Variants in TTC34 observed in about 807,000 individuals in gnomAD.
The protein encoded by TTC34 is tetratricopeptide repeat domain 34.
In TTC34, 44 loss-of-function variants were observed where a neutral mutation model predicts 40.7. The ratio of observed to expected loss-of-function variants is 1.08; its 90% confidence interval spans 0.85 to 1.39. The LOEUF is 1.39. Ranked by LOEUF, TTC34 falls within the 40% of genes most tolerant of loss-of-function variation. The pLI is 0.00. For synonymous variants in TTC34, 422 were observed against 398.6 expected (o/e 1.06, Z -0.70); for missense variants, 884 against 838.0 (o/e 1.05, Z -0.68).
chr1:2,793,553 A>G (rs1643684201), intron 2 of TTC34, among the ~76,000 whole-genome samples: 1 of 152,230 alleles, frequency 6.6e-6, no homozygotes, highest in African/African-American at 2.4e-5. Flanking sequence ...CCACCTGTAC[A>G]TAGAAATCTT....
At chr1:2,755,701 A>C (rs1265892888) in intron 6 of TTC34, among the ~76,000 whole-genome samples, 185 of 15,160 alleles carry the variant, frequency 0.012, no homozygotes, top group African/African-American at 0.022. Context: ...CAGCACCCCA[A>C]ACCCACAGGT....
chr1:2,794,627 C>T (rs1643695856), intron 2 of TTC34, among the ~76,000 whole-genome samples: 1 of 152,254 alleles, frequency 6.6e-6, no homozygotes, highest in African/African-American at 2.4e-5. Context: ...TGGCTAGGAT[C>T]TCTAGCACAA....
At chr1:2,644,369 C>T (rs1483559276) in exon 8 of TTC34, 9 of 1,535,904 alleles carry the variant, frequency 5.9e-6, no homozygotes, top group South Asian at 1.2e-5. Flanking sequence ...CAGCCCCTGG[C>T]ACGTCTCCCT....
chr1:2,750,284 C>CAT (rs1569688749), intron 6 of TTC34, among the ~76,000 whole-genome samples: 1 of 6,752 alleles, frequency 1.5e-4, no homozygotes, highest in African/African-American at 5.1e-4. Context: ...GAGCCCAGAC[C>CAT]CCCAGGTGAG....
exon 2 of TTC34, chr1:2,800,075 G>A (rs927900788): frequency 1.0e-5 from 4 of 398,396 alleles, no homozygotes; most frequent in South Asian, 2.5e-4. Flanking sequence ...GATGGGCCTC[G>A]AGGGCCCGGC....
exon 9 of TTC34, chr1:2,639,073 A>C (rs1192809738): frequency 6.6e-6 from 1 of 152,256 alleles, no homozygotes; most frequent in Non-Finnish European, 1.5e-5. Flanking sequence ...TTATAAGGAC[A>C]CTAATCCCAC....
chr1:2,779,321 AT>A (rs112410867), intron 6 of TTC34, among the ~76,000 whole-genome samples: 47 of 148,568 alleles, frequency 3.2e-4, no homozygotes, highest in South Asian at 1.1e-3. Context: ...TGGTAGTTCT[AT>A]TTTTTTTTTC....
intron 6 of TTC34, among the ~76,000 whole-genome samples, chr1:2,675,545 C>G (rs878857153): frequency 8.0e-6 from 1 of 124,366 alleles, no homozygotes; most frequent in South Asian, 2.4e-4. Context: ...ACGTGACAGC[C>G]TGGAAGAGCA....
intron 6 of TTC34, among the ~76,000 whole-genome samples, chr1:2,697,405 C>CCACAGG (rs1640917319): frequency 7.6e-5 from 1 of 13,138 alleles, no homozygotes; most frequent in Non-Finnish European, 2.7e-4. Context: ...CACCCTGCAC[C>CCACAGG]CCAAGGAGAG....
In TTC34 at chr1:2,752,353, C is replaced by G. The variant is rs1365763310; in HGVS notation, c.2226+31256G>C. 4.4e-3 allele frequency among the ~76,000 whole-genome samples: 461 copies of G among 105,250 alleles called. 1 individual carries two copies. Among genetic ancestry groups the G allele is most frequent in the East Asian group, 7.4e-3 (22 of 2,978 alleles). 69.0% of individuals were successfully genotyped at this position (105,250 alleles called of 152,430 possible). ...CACCCCCAGGTGAGCATCTGACCGCCTGGAACAGCACCCACACCCCCAGGC... is the reference window on the plus strand; with the variant it reads ...CACCCCCAGGTGAGCATCTGACCGCGTGGAACAGCACCCACACCCCCAGGC... On this transcript the variant is annotated intron_variant, in intron 6 of 8. Transcript: ENST00000401095.
chr1:2,797,678 G>A (rs933171680), intron 2 of TTC34, among the ~76,000 whole-genome samples: 1 of 152,148 alleles, frequency 6.6e-6, no homozygotes, highest in East Asian at 1.9e-4. Flanking sequence ...GGGTGGCAGA[G>A]TGCTGGCAGT....
chr1:2,751,727 C>A (rs1641327115), intron 6 of TTC34, among the ~76,000 whole-genome samples: 1 of 147,536 alleles, frequency 6.8e-6, no homozygotes, highest in Non-Finnish European at 1.5e-5. Flanking sequence ...AGCACCCACA[C>A]CCCCAGGTGA....
At chr1:2,773,481 T>C (rs1321767726) in intron 6 of TTC34, 2 of 80,948 alleles carry the variant, frequency 2.5e-5, no homozygotes, top group Non-Finnish European at 5.3e-5. Context: ...TCTGACAGCC[T>C]GGAGCAGCGC....
chr1:2,775,730 A>C lies in TTC34; in HGVS notation c.2226+7879T>G, dbSNP rs966986899. 1.3e-4 allele frequency: 19 copies of C among 146,802 alleles called. 4 individuals carry two copies. Among genetic ancestry groups the C allele is most frequent in the African/African-American group, 4.9e-4 (18 of 36,914 alleles). The allele number at this position is 146,802 out of a possible 1,614,324, so 9.1% of individuals were successfully genotyped here. ...CCACATCCCCAGGTAAGTGTCTGAC[A>C]GCCTAGAGCGGCACCTGCACACTTA... On this transcript the variant is annotated intron_variant, in intron 6 of 8. Coordinates refer to ENST00000401095, the Ensembl canonical transcript of TTC34.
At chr1:2,790,341 G>C in exon 3 of TTC34, 1 of 398,488 alleles carries the variant, frequency 2.5e-6, no homozygotes, top group Non-Finnish European at 4.4e-6. Context: ...GCGGCTCGGC[G>C]CTCACCTGCG....
At chr1:2,692,558 T>G in intron 6 of TTC34, among the ~76,000 whole-genome samples, 1 of 141,924 alleles carries the variant, frequency 7.0e-6, no homozygotes. Context: ...CAGGCGAGCA[T>G]CGGACGGCCT....
At position 2,749,695 on chromosome 1, in the gene TTC34, G is replaced by C. The variant is rs1641254957; in HGVS notation, c.2226+33914C>G. The stretch of plus-strand genomic sequence containing the variant: ...AGCAGCAACCTGCACACCCAGGTGA[G>C]CATCTGACAGTCTGGAACAGCACGC... On this transcript the variant is annotated intron_variant, in intron 6 of 8. Transcript: ENST00000401095. Among the ~76,000 whole-genome samples the C allele has an allele frequency of 2.3e-5, 2 of 88,004 alleles. 1 individual carries two copies. The highest frequency in any genetic ancestry group is 1.0e-3 in the South Asian group (2 of 1,998). 57.7% of individuals were successfully genotyped at this position (88,004 alleles called of 152,430 possible).
chr1:2,644,376 C>A, exon 8 of TTC34: 1 of 1,536,008 alleles, frequency 6.5e-7, no homozygotes, highest in African/African-American at 1.4e-5. Context: ...TGGCACGTCT[C>A]CCTTCTTGAG....
intron 6 of TTC34, among the ~76,000 whole-genome samples, chr1:2,754,816 C>T (rs1641450786): frequency 6.6e-6 from 1 of 151,978 alleles, no homozygotes; most frequent in African/African-American, 2.4e-5. Context: ...ACAGAAACCA[C>T]ACCCCCAGGT....
Sources: allele counts gnomAD v4.1 joint callset (sites outside exome capture counted in the v4.1 genomes callset), GRCh38; gene constraint gnomAD v4.1.1; transcripts MANE v1.5; gene names NCBI Gene and HGNC (gene_info 2026-07-23, HGNC 2026-07-21).